Variants in DMD observed in about 807,000 individuals in gnomAD.
The protein encoded by DMD is mutant dystrophin.
Under a neutral mutation model 330.1 loss-of-function variants are expected in DMD, and 63 were observed. The ratio of observed to expected loss-of-function variants is 0.19; its 90% CI spans 0.16 to 0.24. The LOEUF is 0.24. Ranked by LOEUF, DMD falls within the 10% of genes least tolerant of loss-of-function variation. The pLI, the probability that DMD is intolerant of heterozygous loss-of-function variation, is 1.00. For synonymous variants in DMD, 1,223 were observed against 959.8 expected, an observed-to-expected ratio of 1.27 and a Z score of -5.07; for missense variants, 3,344 against 2,684.1, an observed-to-expected ratio of 1.25 and a Z score of -5.43.
At chrX:31,951,145 A>ATATATATATATG (rs1380025844) in intron 45 of DMD, among the ~76,000 whole-genome samples, 846 of 71,212 alleles carry the variant, frequency 0.012, 30 homozygotes, top group African/African-American at 0.053. Flanking sequence ...ATATATGTGT[A>ATATATATATATG]TATATATATA....
chrX:33,334,723 C>A (rs1030469346), intron 1 of DMD, among the ~76,000 whole-genome samples: 1 of 111,156 alleles, frequency 9.0e-6, no homozygotes, highest in East Asian at 2.8e-4. Flanking sequence ...CATTTACTGA[C>A]CCCTAGCCTG....
chrX:32,803,526 T>C (rs2076737558), intron 7 of DMD, among the ~76,000 whole-genome samples: 1 of 111,013 alleles, frequency 9.0e-6, no homozygotes, highest in African/African-American at 3.3e-5. Context: ...CTCTTGCTGC[T>C]CTAGTTCATT....
At chrX:31,988,963 G>A (rs1199628943) in intron 44 of DMD, among the ~76,000 whole-genome samples, 16 of 112,104 alleles carry the variant, frequency 1.4e-4, no homozygotes, top group Admixed American at 1.3e-3. Context: ...AGCCAATGAC[G>A]TTAAGTTCCA....
chrX:32,988,154 G>A (rs963758586), intron 2 of DMD, among the ~76,000 whole-genome samples: 1 of 111,010 alleles, frequency 9.0e-6, no homozygotes, highest in Non-Finnish European at 1.9e-5. Context: ...TCCGATAGAA[G>A]AAATTTAATC....
chrX:32,448,373 G>T (rs1439704952), intron 27 of DMD, 83 bp downstream of exon 27: 1 of 1,076,939 alleles, frequency 9.3e-7, no homozygotes, highest in African/African-American at 1.8e-5. Flanking sequence ...GTTTTGCACT[G>T]GTATCCATGT....
intron 30 of DMD, among the ~76,000 whole-genome samples, chrX:32,403,919 A>G (rs1351289629): frequency 8.9e-6 from 1 of 112,038 alleles, no homozygotes; most frequent in Non-Finnish European, 1.9e-5. Context: ...TCATAAATCA[A>G]TAAAGCAGAC....
intron 47 of DMD, among the ~76,000 whole-genome samples, chrX:31,878,667 G>C (rs935722528): frequency 8.9e-6 from 1 of 112,214 alleles, no homozygotes; most frequent in African/African-American, 3.2e-5. Flanking sequence ...CTTCTGCAAA[G>C]TAATAAGAAA....
At chrX:32,943,752 A>G (rs569493494) in intron 2 of DMD, among the ~76,000 whole-genome samples, 1 of 112,267 alleles carries the variant, frequency 8.9e-6, no homozygotes, top group African/African-American at 3.2e-5. Context: ...CTCATGAAAT[A>G]AATTGATTCA....
At chrX:31,648,883 C>G (rs981039103) in intron 54 of DMD, among the ~76,000 whole-genome samples, 1 of 109,164 alleles carries the variant, frequency 9.2e-6, no homozygotes, top group Non-Finnish European at 1.9e-5. Flanking sequence ...TAGAATTGTG[C>G]AGAAAAAAAT....
At chrX:31,954,972 G>A (rs1307537096) in intron 45 of DMD, among the ~76,000 whole-genome samples, 2 of 101,746 alleles carry the variant, frequency 2.0e-5, no homozygotes, top group African/African-American at 7.3e-5. Flanking sequence ...TTTGAGACCA[G>A]GTGGGCAACA....
intron 68 of DMD, 143 bp downstream of exon 68, chrX:31,182,595 C>A: frequency 1.8e-6 from 1 of 571,007 alleles, no homozygotes; most frequent in South Asian, 2.6e-5. Flanking sequence ...CAGGAATGAT[C>A]GATGTTCCAG....
chrX:32,049,003 G>A (rs1179644160), intron 44 of DMD, among the ~76,000 whole-genome samples: 2 of 111,356 alleles, frequency 1.8e-5, no homozygotes, highest in Non-Finnish European at 3.8e-5. Flanking sequence ...ACAGTAGACT[G>A]CGGGATACTT....
At chrX:32,979,147 A>T (rs1421695680) in intron 2 of DMD, among the ~76,000 whole-genome samples, 1 of 112,331 alleles carries the variant, frequency 8.9e-6, no homozygotes, top group East Asian at 2.8e-4. Context: ...TTTAATCTCC[A>T]TTATAAATTG....
chrX:31,215,707 G>A (rs2045339603), intron 64 of DMD, among the ~76,000 whole-genome samples: 1 of 112,142 alleles, frequency 8.9e-6, no homozygotes, highest in Non-Finnish European at 1.9e-5. Flanking sequence ...GAAGGCTTAC[G>A]TGCTGTATGT....
intron 30 of DMD, among the ~76,000 whole-genome samples, chrX:32,394,739 C>T (rs1483232680): frequency 9.2e-6 from 1 of 108,849 alleles, no homozygotes; most frequent in African/African-American, 3.3e-5. Flanking sequence ...AATAAGAATA[C>T]ACTCAGAGAG....
At chrX:32,289,086 GT>G (rs766593251) in intron 42 of DMD, among the ~76,000 whole-genome samples, 6 of 111,815 alleles carry the variant, frequency 5.4e-5, no homozygotes, top group African/African-American at 1.9e-4. Flanking sequence ...TACTTATTGT[GT>G]TTTACTGTTG....
At chrX:32,276,751 C>T (rs6653868) in intron 43 of DMD, among the ~76,000 whole-genome samples, 4,067 of 110,103 alleles carry the variant, frequency 0.037, 186 homozygotes, top group African/African-American at 0.13. Context: ...GAAACCCCAA[C>T]TCTACTAAAA....
chrX:32,612,653 C>T (rs753076746), intron 12 of DMD, among the ~76,000 whole-genome samples: 8 of 111,092 alleles, frequency 7.2e-5, no homozygotes, highest in African/African-American at 2.0e-4. Flanking sequence ...TGTGCCACAT[C>T]GGAAAAGCGG....
In DMD at chrX:33,334,047, A is replaced by C. The variant is rs141405344; in HGVS notation, c.7+5212T>G. ...TTCACCCTTTCTGTAAGTCTACTGA[A>C]ATCATACACTAACGGAAAAGCAGCA... is the stretch of plus-strand genomic sequence containing the variant. On this transcript the variant is annotated intron_variant, in intron 1 of 17. Coordinates refer to the DMD transcript ENST00000288447. 9.1e-3 allele frequency among the ~76,000 whole-genome samples: 1,019 copies of C among 111,475 alleles called. 6 individuals are homozygous for C. The highest frequency in any genetic ancestry group is 0.014 in the Non-Finnish European group (742 of 52,836).
Sources: gnomAD v4.1 joint callset for allele counts (sites outside exome capture counted in the v4.1 genomes callset) on GRCh38, gnomAD v4.1.1 for gene constraint, MANE v1.5 for transcripts, NCBI Gene and HGNC (gene_info 2026-07-23, HGNC 2026-07-21) for gene names.